Variants in ARHGEF11 observed in about 807,000 individuals in gnomAD.
ARHGEF11 encodes Rho guanine nucleotide exchange factor 11, also known as Rho guanine exchange factor (GEF) 11.
ARHGEF11 carries 55 observed loss-of-function variants against 193.7 expected under a neutral mutation model. That is an observed-to-expected ratio of 0.28 (90% CI 0.23 to 0.36). ARHGEF11 has a LOEUF of 0.36. Among genes scored for constraint, ARHGEF11 ranks in the 10% least tolerant of loss-of-function variants. The pLI is 1.00. For missense variants in ARHGEF11, 1,723 were observed against 2,005.6 expected, an observed-to-expected ratio of 0.86 and a Z score of 2.69; for synonymous variants, 693 against 768.0, an observed-to-expected ratio of 0.90 and a Z score of 1.62.
chr1:157,045,756 C>A (rs1340422284), upstream of ARHGEF11, among the ~76,000 whole-genome samples: 1 of 150,456 alleles, frequency 6.6e-6, no homozygotes, highest in Non-Finnish European at 1.5e-5. Flanking sequence ...GGCGTCGCGG[C>A]CGCGCTCGCC....
At position 156,946,775 on chromosome 1, in the gene ARHGEF11, C is replaced by A. The variant is rs775262686; in HGVS notation, c.2581G>T (p.Ala861Ser). 1.2e-6 allele frequency: 2 copies of A among 1,614,180 alleles called. No individual in the cohort carries two copies. Among genetic ancestry groups the A allele is most frequent in the Non-Finnish European group, 1.7e-6 (2 of 1,180,034 alleles). ...DLMLARFDGP[A>S]REELQQVAAQ... ...GCCACTTGCTGGAGTTCCTCTCGGG[C>A]AGGGCCATCAAACTGAAGAGGCAGA... The change falls in exon 28 of 41, where the codon GCC becomes TCC. Residue 861 changes from alanine (A) to serine (S), a missense_variant. By Grantham distance (99) the Ala-to-Ser change is moderately conservative. Around this residue, in one of 5 missense-constraint regions of ARHGEF11, gnomAD observed 491 missense variants for 654.5 expected, o/e 0.75. Coordinates refer to ENST00000368194, the MANE Select transcript of ARHGEF11 (RefSeq NM_198236.3).
chr1:156,997,036 A>C (rs1288907846), intron 1 of ARHGEF11, among the ~76,000 whole-genome samples: 2 of 151,396 alleles, frequency 1.3e-5, no homozygotes, highest in East Asian at 4.0e-4. Flanking sequence ...TAGTTAAAAA[A>C]AATTTTTTTT....
At chr1:156,951,482 G>A (rs1659089748) in intron 22 of ARHGEF11, 91 bp downstream of exon 22, 1 of 1,538,510 alleles carries the variant, frequency 6.5e-7, no homozygotes, top group Non-Finnish European at 8.8e-7. Context: ...CTAGTGGAGA[G>A]GGGTCAAGTA....
At chr1:157,040,533 C>T (rs916503495) in intron 1 of ARHGEF11, among the ~76,000 whole-genome samples, 1 of 152,212 alleles carries the variant, frequency 6.6e-6, no homozygotes, top group Non-Finnish European at 1.5e-5. Context: ...TGAAGTCTCT[C>T]TCATTCATCA....
intron 13 of ARHGEF11, 112 bp downstream of exon 13, chr1:156,963,090 TG>T (rs1661191203): frequency 1.3e-6 from 1 of 795,322 alleles, no homozygotes; most frequent in Non-Finnish European, 2.1e-6. Context: ...TTGAAATGCC[TG>T]ACTGTGCCCA....
intron 1 of ARHGEF11, among the ~76,000 whole-genome samples, chr1:157,043,003 G>A (rs925801518): frequency 9.2e-5 from 14 of 152,142 alleles, no homozygotes; most frequent in Non-Finnish European, 1.9e-4. Context: ...ATCCTTTGTG[G>A]CTGTCTGCCT....
At position 157,045,703 on chromosome 1, in the gene ARHGEF11, G is replaced by T. The variant is rs1339214818; in HGVS notation, c.-1373C>A. ...CCAGGCTCGGCGCACAGGGAAGGCT[G>T]CGGCGGCTGCGGCAGGCCGGCACGA... On this transcript the variant is annotated 5_prime_UTR_variant, in exon 1 of 41. Transcript: ENST00000368194. Among the ~76,000 whole-genome samples, 2 of 150,072 alleles carry T rather than the reference G, an allele frequency of 1.3e-5. No homozygotes were observed. Among genetic ancestry groups the T allele is most frequent in the Non-Finnish European group, 3.0e-5 (2 of 67,156 alleles).
intron 28 of ARHGEF11, 142 bp from the exon 29 acceptor site, chr1:156,946,304 T>C (rs1291323954): frequency 1.0e-5 from 7 of 696,220 alleles, no homozygotes; most frequent in Non-Finnish European, 1.5e-5. Context: ...TGGAAGCTTC[T>C]TCCTTAAAGA....
At position 156,936,968 on chromosome 1, in the gene ARHGEF11, A is replaced by G. The variant is rs772634099; in HGVS notation, c.4478T>C (p.Leu1493Pro). 28 of 1,613,868 alleles carry G rather than the reference A, an allele frequency of 1.7e-5. No individual in the cohort carries two copies. The African/African-American group carries it at 2.3e-4, about 13-fold the overall frequency. Residue 1493 changes from leucine to proline, a missense_variant, in exon 40 of 41, where the codon CTT becomes CCT. Physicochemically the swap from Leu to Pro is moderately conservative, Grantham distance 98. Transcript: ENST00000368194. ...GGTGCCACCAGATGACTCTCCCCCA[A>G]GGGACTTGAGCAGCTCTCTGTGGGC... is the stretch of plus-strand genomic sequence containing the variant. ...ELAHRELLKSLGGESSGGTTP... is the reference protein window; with the variant it reads ...ELAHRELLKSPGGESSGGTTP...
chr1:156,977,428 T>G lies in ARHGEF11; in HGVS notation c.511-374A>C, dbSNP rs567696152. The stretch of plus-strand genomic sequence containing the variant: ...ACTTGTTTTTTTGTTTTGTTTTTTC[T>G]TTGAGATGGGGTCTCACTCTGTCAC... On this transcript the variant is annotated intron_variant, in intron 6 of 40. Transcript: ENST00000368194. Among the ~76,000 whole-genome samples the G allele has an allele frequency of 2.1e-3, 313 of 152,300 alleles. 2 individuals carry two copies. The highest frequency in any genetic ancestry group is 3.1e-3 in the Non-Finnish European group (213 of 68,014).
chr1:156,944,467 T>C (rs1657730412), intron 30 of ARHGEF11, 34 bp from the exon 31 acceptor site: 1 of 1,590,260 alleles, frequency 6.3e-7, no homozygotes, highest in African/African-American at 1.3e-5. Context: ...CATTCATTCA[T>C]TCATTCATTC....
At chr1:156,946,556 G>T (rs898966692) in intron 28 of ARHGEF11, 106 bp downstream of exon 28, 34 of 1,484,804 alleles carry the variant, frequency 2.3e-5, no homozygotes, top group Non-Finnish European at 3.2e-5. Context: ...AGGGTAGAGG[G>T]AGTTGCTGTA....
intron 1 of ARHGEF11, among the ~76,000 whole-genome samples, chr1:157,032,852 T>C (rs1164044023): frequency 6.6e-6 from 1 of 152,190 alleles, no homozygotes; most frequent in Non-Finnish European, 1.5e-5. Context: ...GAACTTGACA[T>C]TGTTAATCAC....
chr1:156,969,411 G>T, intron 9 of ARHGEF11, 53 bp from the exon 10 acceptor site: 1 of 1,530,166 alleles, frequency 6.5e-7, no homozygotes, highest in South Asian at 1.2e-5. Context: ...CTAGGGGAAA[G>T]AGAGCCTTTA....
intron 13 of ARHGEF11, among the ~76,000 whole-genome samples, chr1:156,962,226 GAC>G (rs1660977999): frequency 6.6e-6 from 1 of 152,104 alleles, no homozygotes; most frequent in African/African-American, 2.4e-5. Context: ...CTGGCACTTG[GAC>G]ATGCACACAG....
At chr1:156,976,584 A>T (rs1193627123) in intron 7 of ARHGEF11, among the ~76,000 whole-genome samples, 2 of 152,076 alleles carry the variant, frequency 1.3e-5, no homozygotes, top group Non-Finnish European at 2.9e-5. Flanking sequence ...CTCTGTGCAC[A>T]TCACTTCCTA....
At chr1:156,936,496 AAATATATAT>A (rs1423990146) in intron 40 of ARHGEF11, among the ~76,000 whole-genome samples, 4 of 77,736 alleles carry the variant, frequency 5.1e-5, no homozygotes, top group African/African-American at 2.3e-4. Context: ...AAAAAAAAAA[AAATATATAT>A]ATATATATAT....
intron 1 of ARHGEF11, among the ~76,000 whole-genome samples, chr1:157,034,485 A>G (rs1293957592): frequency 6.6e-6 from 1 of 152,256 alleles, no homozygotes; most frequent in East Asian, 1.9e-4. Context: ...AATACCAAGT[A>G]CCAAAGACCT....
intron 1 of ARHGEF11, among the ~76,000 whole-genome samples, chr1:156,994,694 A>G (rs1000600551): frequency 2.0e-5 from 3 of 152,210 alleles, no homozygotes; most frequent in Non-Finnish European, 4.4e-5. Flanking sequence ...TATTCAGCAC[A>G]CAGGACATGT....
Sources: allele counts gnomAD v4.1 joint callset (sites outside exome capture counted in the v4.1 genomes callset), GRCh38; gene constraint gnomAD v4.1.1; regional missense constraint gnomAD v4.1.1; transcripts MANE v1.5; gene names NCBI Gene and HGNC (gene_info 2026-07-23, HGNC 2026-07-21).